Variants in ABHD2 observed in about 807,000 individuals in gnomAD.
ABHD2 encodes the protein abhydrolase domain containing 2, acylglycerol lipase.
Under a neutral mutation model 48.1 loss-of-function variants are expected in ABHD2, and 20 were observed. The ratio of observed to expected loss-of-function variants is 0.42; its 90% confidence interval spans 0.29 to 0.60. The LOEUF is 0.60. Ranked by LOEUF, ABHD2 falls within the 20% of genes least tolerant of loss-of-function variation. The pLI, the probability that ABHD2 is intolerant of heterozygous loss-of-function variation, is 0.24. For synonymous variants in ABHD2, 209 were observed against 214.2 expected, an observed-to-expected ratio of 0.98 and a Z score of 0.21; for missense variants, 405 against 550.9, an observed-to-expected ratio of 0.74 and a Z score of 2.65.
rs572214866 is a variant in ABHD2 at position 89,177,876 on chromosome 15, A to G, written c.722+1881A>G. On this transcript the variant is annotated intron_variant, in intron 6 of 10. Transcript: ENST00000352732. The surrounding 1 kb of genome is among the most constrained non-coding windows in gnomAD (Gnocchi z 5.6). ...TTTGTTTTCTTTTTTTTCAATGCAC[A>G]AAATCTTAACACGACAATCCCTTCA... 6.6e-6 allele frequency among the ~76,000 whole-genome samples: 1 copy of G among 152,308 alleles called. No individual in the cohort carries two copies. Among genetic ancestry groups the G allele is most frequent in the South Asian group, 2.1e-4 (1 of 4,828 alleles).
chr15:89,127,789 C>G (rs2050159656), intron 3 of ABHD2, among the ~76,000 whole-genome samples: 1 of 148,896 alleles, frequency 6.7e-6, no homozygotes, highest in Non-Finnish European at 1.5e-5. Context: ...ACCTGCTCTT[C>G]CAGTCTGTTC....
chr15:89,053,810 G>A, the ABHD2 span, among the ~76,000 whole-genome samples: 1 of 152,224 alleles, frequency 6.6e-6, no homozygotes, highest in East Asian at 1.9e-4. Context: ...GCAGGGTAAA[G>A]TGGTGCTCAC....
chr15:89,043,489 GGA>G, the ABHD2 span, among the ~76,000 whole-genome samples: 5 of 150,404 alleles, frequency 3.3e-5, no homozygotes, highest in African/African-American at 1.2e-4. Context: ...GGAAGAAGGG[GGA>G]GGGGGAGGAA....
At chr15:89,157,694 G>T (rs930061752) in intron 5 of ABHD2, among the ~76,000 whole-genome samples, 9 of 151,814 alleles carry the variant, frequency 5.9e-5, no homozygotes, top group Non-Finnish European at 1.0e-4. Context: ...ATACGAAAAA[G>T]TAGCCGGGCG....
intron 3 of ABHD2, among the ~76,000 whole-genome samples, chr15:89,140,569 TGA>T (rs1245273235): frequency 5.3e-5 from 8 of 152,076 alleles, no homozygotes; most frequent in Non-Finnish European, 1.2e-4. Flanking sequence ...CTCTACAGAT[TGA>T]GAGAGAGACC....
chr15:89,047,762 C>T, the ABHD2 span, among the ~76,000 whole-genome samples: 1 of 148,792 alleles, frequency 6.7e-6, no homozygotes, highest in Non-Finnish European at 1.5e-5. Flanking sequence ...AGATCTTCCT[C>T]CATACTTTTA....
At position 89,197,482 on chromosome 15, in the gene ABHD2, T is replaced by TGG. The variant is rs1304590366; in HGVS notation, c.*2059_*2060insGG. 1 of 152,562 alleles carries TGG rather than the reference T, an allele frequency of 6.6e-6. No individual in the cohort carries two copies. The highest frequency in any genetic ancestry group is 1.5e-5 in the Non-Finnish European group (1 of 68,042). 9.5% of individuals were successfully genotyped at this position (152,562 alleles called of 1,614,324 possible). On this transcript the variant is annotated 3_prime_UTR_variant, in exon 11 of 11. Coordinates refer to ENST00000352732, the MANE Select transcript of ABHD2 (RefSeq NM_152924.5). The surrounding 1 kb of genome is among the most constrained non-coding windows in gnomAD (Gnocchi z 4.4). ...AGTCATATTTCTGCTACTACTACCT[T>TGG]CATTTATCAAGACTTTTTATGAGAA...
chr15:89,106,188 A>G lies in ABHD2; in HGVS notation c.-106-7537A>G, dbSNP rs902317956. 5.9e-5 allele frequency: 9 copies of G among 152,264 alleles called. No homozygotes were observed. Among genetic ancestry groups the G allele is most frequent in the Admixed American group, 5.9e-4 (9 of 15,282 alleles). 9.4% of individuals were successfully genotyped at this position (152,264 alleles called of 1,614,324 possible). ...AAATTAGTGGGGCATGGTGGCACCC[A>G]CCTGTAATCCCAGCTACGCCAGAGG... On this transcript the variant is annotated intron_variant, in intron 1 of 10. Coordinates refer to ENST00000352732, the MANE Select transcript of ABHD2 (RefSeq NM_152924.5). This position sits in a 1 kb window ranked among gnomAD's most constrained non-coding sequence, Gnocchi z 4.2.
chr15:89,128,687 G>C (rs915400910), intron 3 of ABHD2, among the ~76,000 whole-genome samples: 1 of 152,106 alleles, frequency 6.6e-6, no homozygotes, highest in Admixed American at 6.5e-5. Flanking sequence ...TCACTGGTCT[G>C]GTCTCTATAG....
At chr15:89,119,998 A>G (rs2050022471) in intron 3 of ABHD2, among the ~76,000 whole-genome samples, 1 of 152,208 alleles carries the variant, frequency 6.6e-6, no homozygotes, top group African/African-American at 2.4e-5. Context: ...TGTGAATATT[A>G]GTCAGTAATC....
At position 89,196,737 on chromosome 15, in the gene ABHD2, G is replaced by A. The variant is rs2051409794; in HGVS notation, c.*1314G>A. 6.6e-6 allele frequency: 1 copy of A among 152,376 alleles called. No individual in the cohort carries two copies. Among genetic ancestry groups the A allele is most frequent in the Non-Finnish European group, 1.5e-5 (1 of 68,022 alleles). 9.4% of individuals were successfully genotyped at this position (152,376 alleles called of 1,614,324 possible). The stretch of plus-strand genomic sequence containing the variant: ...GGAGAAAGATATTTCCAACCTAAGT[G>A]GGTATTATTTTGAAACCAGATTTTT... On this transcript the variant is annotated 3_prime_UTR_variant, in exon 11 of 11. Transcript: ENST00000352732.
the ABHD2 span, among the ~76,000 whole-genome samples, chr15:89,054,215 G>A: frequency 4.0e-5 from 6 of 151,736 alleles, no homozygotes; most frequent in African/African-American, 4.8e-5. Context: ...CCAGCTACTC[G>A]GGAGGCTGAG....
At chr15:89,170,275 T>G (rs2050904380) in intron 5 of ABHD2, among the ~76,000 whole-genome samples, 1 of 151,642 alleles carries the variant, frequency 6.6e-6, no homozygotes, top group Admixed American at 6.6e-5. Context: ...TTTTGTATTT[T>G]TAGCAGAGAC....
the ABHD2 span, among the ~76,000 whole-genome samples, chr15:89,046,182 T>C: frequency 2.0e-5 from 3 of 152,336 alleles, no homozygotes; most frequent in African/African-American, 7.2e-5. Flanking sequence ...TGGTTCTGTT[T>C]ATGTGCTGGA....
At chr15:89,181,288 A>AT (rs1190607863) in intron 6 of ABHD2, among the ~76,000 whole-genome samples, 1 of 151,402 alleles carries the variant, frequency 6.6e-6, no homozygotes, top group Non-Finnish European at 1.5e-5. Flanking sequence ...TTTTATCATA[A>AT]TTTTTTAAAA....
chr15:89,201,097 G>A lies in ABHD2; in HGVS notation c.*5674G>A, dbSNP rs1318265224. On this transcript the variant is annotated 3_prime_UTR_variant, in exon 11 of 11. Transcript: ENST00000352732. ...GACTCCGTCTCCAAAAAAAGAAAAGGAATCCAGTGAAAATGGCTGCAATTA... is the reference window on the plus strand; with the variant it reads ...GACTCCGTCTCCAAAAAAAGAAAAGAAATCCAGTGAAAATGGCTGCAATTA... The A allele has an allele frequency of 1.0e-6, 1 of 975,772 alleles. No individual in the cohort carries two copies. The highest frequency in any genetic ancestry group is 1.6e-5 in the African/African-American group (1 of 62,046). The allele number at this position is 975,772 out of a possible 1,614,324, so 60.4% of individuals were successfully genotyped here.
the ABHD2 span, among the ~76,000 whole-genome samples, chr15:89,043,660 A>C: frequency 8.3e-6 from 1 of 120,860 alleles, no homozygotes; most frequent in Non-Finnish European, 1.7e-5. Context: ...AAGGAGGAGG[A>C]GGAGAGGGAG....
rs2049718066 is a variant in ABHD2, at chr15:89,102,559, C to T, written c.-106-11166C>T. On this transcript the variant is annotated intron_variant, in intron 1 of 10. Coordinates refer to ENST00000352732, the MANE Select transcript of ABHD2 (RefSeq NM_152924.5). The surrounding 1 kb of genome is among the most constrained non-coding windows in gnomAD (Gnocchi z 4.8). ...TCCACGAGGGTGCTCCCTACTTATG[C>T]CAGTGAATTAATTTTTGGTAAGTGG... is the stretch of plus-strand genomic sequence containing the variant. 1 of 152,174 alleles carries T rather than the reference C, an allele frequency of 6.6e-6. No individual in the cohort carries two copies. Among genetic ancestry groups the T allele is most frequent in the Admixed American group, 6.5e-5 (1 of 15,278 alleles). The allele number at this position is 152,174 out of a possible 1,614,324, so 9.4% of individuals were successfully genotyped here. A position where few individuals can be genotyped will look rare whatever the true frequency, so the allele number is the denominator to read the frequency against.
chr15:89,123,738 A>T (rs2050089999), intron 3 of ABHD2, among the ~76,000 whole-genome samples: 1 of 151,488 alleles, frequency 6.6e-6, no homozygotes. Flanking sequence ...TCTGGAACCA[A>T]AGGTCCACAC....
Sources: gnomAD v4.1 joint callset for allele counts (sites outside exome capture counted in the v4.1 genomes callset) on GRCh38, gnomAD v4.1.1 for gene constraint, Gnocchi (gnomAD v3.1) non-coding constraint, MANE v1.5 for transcripts, NCBI Gene and HGNC (gene_info 2026-07-23, HGNC 2026-07-21) for gene names.